Variants in ANKRD44 observed in about 807,000 individuals in gnomAD.
The protein encoded by ANKRD44 is ankyrin repeat domain 44.
A neutral mutation model predicts 116.0 loss-of-function variants in ANKRD44; 35 were observed. That is an observed-to-expected ratio of 0.30 (90% CI 0.23 to 0.40). The LOEUF (loss-of-function observed/expected upper bound fraction) is 0.40. Ranked by LOEUF, ANKRD44 falls within the 10% of genes least tolerant of loss-of-function variation. ANKRD44 has a pLI of 1.00. For synonymous variants in ANKRD44, 435 were observed against 461.8 expected (o/e 0.94, Z 0.74); for missense variants, 1,014 against 1,242.6 (o/e 0.82, Z 2.77).
In ANKRD44 at chr2:197,108,518, G is replaced by A. The variant is rs144261285; in HGVS notation, c.985+2248C>T. Among the ~76,000 whole-genome samples, 10 of 152,218 alleles carry A rather than the reference G, an allele frequency of 6.6e-5. No homozygotes were observed. In the East Asian group the frequency reaches 1.9e-3, roughly 29 times the overall value. On this transcript the variant is annotated intron_variant, in intron 9 of 27. Transcript: ENST00000282272. ...CTGACCACAGAGGATAAGAGACAGG[G>A]TCTCTTTTAGGTCTCCCCCAACTCA... is the stretch of plus-strand genomic sequence containing the variant.
At chr2:197,088,643 CA>C in intron 12 of ANKRD44, 67 bp downstream of exon 12, 1 of 952,502 alleles carries the variant, frequency 1.0e-6, no homozygotes, top group South Asian at 2.1e-5. Context: ...GATTCACAGA[CA>C]ACTTAAGTCA....
At chr2:197,164,983 A>G (rs2080071360) in intron 2 of ANKRD44, among the ~76,000 whole-genome samples, 1 of 152,064 alleles carries the variant, frequency 6.6e-6, no homozygotes, top group Admixed American at 6.6e-5. Context: ...CCTCTAAACT[A>G]CTGTTTATTT....
chr2:197,172,195 C>A (rs2080255092), intron 2 of ANKRD44, among the ~76,000 whole-genome samples: 1 of 151,900 alleles, frequency 6.6e-6, no homozygotes, highest in Non-Finnish European at 1.5e-5. Flanking sequence ...GAGAGGGGGG[C>A]TTCACCATAT....
chr2:197,018,042 C>A (rs1042636851), intron 17 of ANKRD44, among the ~76,000 whole-genome samples: 16 of 152,110 alleles, frequency 1.1e-4, no homozygotes, highest in South Asian at 2.1e-4. Context: ...ACTTTCAGGG[C>A]TCATCATTTC....
chr2:197,114,431 G>T (rs977866362), intron 8 of ANKRD44, among the ~76,000 whole-genome samples: 3 of 152,080 alleles, frequency 2.0e-5, no homozygotes, highest in African/African-American at 7.2e-5. Context: ...AAAATACTGA[G>T]GATTAAAATA....
At position 197,122,771 on chromosome 2, in the gene ANKRD44, A is replaced by C; in HGVS notation, c.572T>G (p.Leu191Trp). ...AYMGHLDVVALLINHGAEVTC... is the reference protein window; with the variant it reads ...AYMGHLDVVAWLINHGAEVTC... Reference sequence around the variant, plus strand: ...CACTTCTGCGCCATGGTTAATGAGCAATGCTACAACATCCAAGTGGCCTTT... The same window carrying C: ...CACTTCTGCGCCATGGTTAATGAGCCATGCTACAACATCCAAGTGGCCTTT... The change falls in exon 7 of 28, where the codon TTG becomes TGG. Residue 191 changes from leucine to tryptophan, a missense_variant. Transcript: ENST00000282272. 1.2e-6 allele frequency: 2 copies of C among 1,614,050 alleles called. No homozygotes were observed. Among genetic ancestry groups the C allele is most frequent in the East Asian group, 4.5e-5 (2 of 44,880 alleles).
intron 1 of ANKRD44, among the ~76,000 whole-genome samples, chr2:197,210,906 T>G (rs1221264972): frequency 6.6e-6 from 1 of 152,126 alleles, no homozygotes; most frequent in Non-Finnish European, 1.5e-5. Context: ...TTTGGTGGTA[T>G]TGGAGAGGGG....
chr2:197,125,875 T>TGC lies in ANKRD44; in HGVS notation c.422_423dup (p.Thr142AlafsTer9). The TGC allele has an allele frequency of 6.2e-7, 1 of 1,614,192 alleles. No individual in the cohort carries two copies. Among genetic ancestry groups the TGC allele is most frequent in the Non-Finnish European group, 8.5e-7 (1 of 1,180,050 alleles). On this transcript the variant is annotated frameshift_variant, in exon 5 of 28. Coordinates refer to ENST00000282272, the MANE Select transcript of ANKRD44 (RefSeq NM_001195144.2). LOFTEE classifies it high-confidence loss of function. ...TTCAGAGCCGCATGGTGCAAGGCTG[T>TGC]GCGCCCCCCTCGGTCGGAGACATTG...
intron 1 of ANKRD44, among the ~76,000 whole-genome samples, chr2:197,245,151 T>G (rs1417409964): frequency 6.6e-6 from 1 of 152,032 alleles, no homozygotes; most frequent in Non-Finnish European, 1.5e-5. Context: ...TCCCAGCTCC[T>G]GGGGAGGCTG....
intron 1 of ANKRD44, among the ~76,000 whole-genome samples, chr2:197,225,093 A>G (rs2081671734): frequency 6.6e-6 from 1 of 152,056 alleles, no homozygotes; most frequent in Non-Finnish European, 1.5e-5. Context: ...TGAGCTTTGG[A>G]TTTACTATGA....
At chr2:197,273,847 G>A (rs1047946697) in intron 1 of ANKRD44, among the ~76,000 whole-genome samples, 10 of 149,830 alleles carry the variant, frequency 6.7e-5, no homozygotes, top group Non-Finnish European at 1.0e-4. Flanking sequence ...GGCATGTCAA[G>A]GATTTTAAAA....
At chr2:197,166,321 C>T (rs1003580655) in intron 2 of ANKRD44, among the ~76,000 whole-genome samples, 5 of 152,170 alleles carry the variant, frequency 3.3e-5, no homozygotes, top group Non-Finnish European at 5.9e-5. Flanking sequence ...AATCCAAAGA[C>T]GTGCTCTGAA....
At chr2:197,208,660 C>A (rs970463552) in intron 1 of ANKRD44, among the ~76,000 whole-genome samples, 1 of 151,826 alleles carries the variant, frequency 6.6e-6, no homozygotes, top group Non-Finnish European at 1.5e-5. Flanking sequence ...ATTAGCCGAG[C>A]GTGGTGGTGG....
intron 16 of ANKRD44, among the ~76,000 whole-genome samples, chr2:197,067,134 T>A (rs1055345092): frequency 5.3e-5 from 8 of 151,946 alleles, no homozygotes; most frequent in Admixed American, 5.2e-4. Flanking sequence ...ATACCACACA[T>A]CTACAACTAT....
chr2:197,276,550 G>T (rs891302319), intron 1 of ANKRD44, among the ~76,000 whole-genome samples: 1 of 152,020 alleles, frequency 6.6e-6, no homozygotes, highest in African/African-American at 2.4e-5. Context: ...ACTGATTTAT[G>T]AGCAAAAATG....
intron 20 of ANKRD44, among the ~76,000 whole-genome samples, chr2:197,006,903 G>A (rs1016191444): frequency 1.3e-5 from 2 of 152,130 alleles, no homozygotes; most frequent in Non-Finnish European, 2.9e-5. Flanking sequence ...CCAGCAGTTT[G>A]AGACCTGCCT....
intron 1 of ANKRD44, among the ~76,000 whole-genome samples, chr2:197,193,229 T>C (rs2080865138): frequency 6.6e-6 from 1 of 152,222 alleles, no homozygotes; most frequent in Non-Finnish European, 1.5e-5. Context: ...CCTTTGTTGC[T>C]CCTTCCTTTC....
intron 21 of ANKRD44, among the ~76,000 whole-genome samples, chr2:197,003,936 G>A (rs1039093413): frequency 6.6e-6 from 1 of 151,960 alleles, no homozygotes; most frequent in African/African-American, 2.4e-5. Context: ...GAAAAAAGAG[G>A]ACCGTAGTGA....
At chr2:197,193,298 C>T (rs1419235010) in intron 1 of ANKRD44, among the ~76,000 whole-genome samples, 2 of 152,112 alleles carry the variant, frequency 1.3e-5, no homozygotes, top group East Asian at 3.8e-4. Flanking sequence ...CACCCTCACC[C>T]GATGGCCAAC....
Sources: gnomAD v4.1 joint callset for allele counts (sites outside exome capture counted in the v4.1 genomes callset) on GRCh38, gnomAD v4.1.1 for gene constraint, MANE v1.5 for transcripts, NCBI Gene and HGNC (gene_info 2026-07-23, HGNC 2026-07-21) for gene names.